CLCN3: variants seen among roughly 807,000 people sequenced by gnomAD.
CLCN3 encodes Cl-/H+ antiporter 3.
In CLCN3, 16 loss-of-function variants were observed where a neutral mutation model predicts 83.4. The observed-to-expected ratio is 0.19, with a 90% CI of 0.13 to 0.29. The LOEUF (loss-of-function observed/expected upper bound fraction) is 0.29, where lower values mean the gene tolerates loss of function less well. CLCN3 is among the 10% of genes least tolerant of loss of function. The pLI, the probability that CLCN3 is intolerant of heterozygous loss-of-function variation, is 1.00. For synonymous variants in CLCN3, 322 were observed against 346.2 expected (o/e 0.93, Z 0.78); for missense variants, 544 against 1,006.0 (o/e 0.54, Z 6.21).
chr4:169,669,646 C>T (rs1210172548), intron 2 of CLCN3, among the ~76,000 whole-genome samples: 1 of 152,028 alleles, frequency 6.6e-6, no homozygotes, highest in Non-Finnish European at 1.5e-5. Flanking sequence ...TATGATCTTA[C>T]CTGTATCTCA....
At chr4:169,715,804 T>C (rs1157711826) in intron 12 of CLCN3, among the ~76,000 whole-genome samples, 3 of 97,332 alleles carry the variant, frequency 3.1e-5, no homozygotes, top group African/African-American at 1.1e-4. Context: ...TAGCAGGATG[T>C]TAATAGGAGT....
At position 169,704,033 on chromosome 4, in the gene CLCN3, T is replaced by C; in HGVS notation, c.1599T>C (p.Ile533=). The part of the protein sequence containing the change: ...PSGLFIPSMA[I]GAIAGRIVGI... ...GCTTGTTCATCCCCAGCATGGCCAT[T>C]GGAGCGATCGCAGGAAGGATTGTGG... Residue 533 remains isoleucine, a synonymous_variant, in exon 10 of 13, where the codon ATT becomes ATC. Transcript: ENST00000513761. 6.2e-7 allele frequency: 1 copy of C among 1,614,060 alleles called. No individual in the cohort carries two copies. Among genetic ancestry groups the C allele is most frequent in the South Asian group, 1.1e-5 (1 of 91,080 alleles).
At chr4:169,658,260 A>G (rs1310637507) in intron 2 of CLCN3, among the ~76,000 whole-genome samples, 2 of 151,502 alleles carry the variant, frequency 1.3e-5, no homozygotes, top group Non-Finnish European at 2.9e-5. Flanking sequence ...TATACACACA[A>G]TTGTTTATCT....
At chr4:169,629,319 C>T (rs1773310010) in intron 1 of CLCN3, among the ~76,000 whole-genome samples, 1 of 151,662 alleles carries the variant, frequency 6.6e-6, no homozygotes, top group African/African-American at 2.4e-5. Flanking sequence ...TGTGGAACCA[C>T]AATTATCTCA....
intron 2 of CLCN3, among the ~76,000 whole-genome samples, chr4:169,677,957 T>A (rs767908581): frequency 1.3e-5 from 2 of 152,226 alleles, no homozygotes; most frequent in African/African-American, 4.8e-5. Flanking sequence ...GATACTCATA[T>A]AAGATATATG....
intron 2 of CLCN3, among the ~76,000 whole-genome samples, chr4:169,672,581 G>A (rs1050842972): frequency 1.3e-5 from 2 of 152,058 alleles, no homozygotes; most frequent in African/African-American, 4.8e-5. Flanking sequence ...ATATACTGTT[G>A]CTTTTAAAAA....
chr4:169,697,088 C>A, intron 8 of CLCN3, 101 bp from the exon 9 acceptor site: 1 of 837,762 alleles, frequency 1.2e-6, no homozygotes, highest in Non-Finnish European at 1.8e-6. Context: ...CTAACTACAG[C>A]AAAATTTAGA....
intron 1 of CLCN3, among the ~76,000 whole-genome samples, 188 bp downstream of exon 1, chr4:169,621,251 T>C (rs1446280731): frequency 6.6e-6 from 1 of 152,216 alleles, no homozygotes; most frequent in Non-Finnish European, 1.5e-5. Context: ...CTTTAAAATT[T>C]CACACATCTG....
At chr4:169,665,385 C>T (rs1731206788) in intron 2 of CLCN3, among the ~76,000 whole-genome samples, 1 of 152,148 alleles carries the variant, frequency 6.6e-6, no homozygotes, top group Non-Finnish European at 1.5e-5. Context: ...AATGGCTGAA[C>T]AAATTTTAAT....
intron 6 of CLCN3, among the ~76,000 whole-genome samples, chr4:169,691,393 A>G (rs1732367898): frequency 6.6e-6 from 1 of 152,110 alleles, no homozygotes; most frequent in African/African-American, 2.4e-5. Flanking sequence ...GAATTTGGCC[A>G]TTTTATGCTT....
intron 10 of CLCN3, among the ~76,000 whole-genome samples, chr4:169,706,101 G>A (rs1333463422): frequency 2.0e-5 from 3 of 152,206 alleles, no homozygotes; most frequent in Admixed American, 2.0e-4. Flanking sequence ...TGTGAACGCA[G>A]CTCACTGCAG....
intron 2 of CLCN3, among the ~76,000 whole-genome samples, chr4:169,644,297 C>T (rs1371272390): frequency 2.0e-5 from 3 of 149,678 alleles, no homozygotes; most frequent in Non-Finnish European, 4.4e-5. Flanking sequence ...ATGGAGTCTC[C>T]CTCTGTTGCC....
chr4:169,670,401 A>C (rs1335939067), intron 2 of CLCN3, among the ~76,000 whole-genome samples: 1 of 152,012 alleles, frequency 6.6e-6, no homozygotes, highest in Non-Finnish European at 1.5e-5. Context: ...GTTTTTGTCA[A>C]GTTTGCTGAA....
At chr4:169,708,946 A>G (rs776633808) in intron 11 of CLCN3, among the ~76,000 whole-genome samples, 1 of 148,704 alleles carries the variant, frequency 6.7e-6, no homozygotes, top group Non-Finnish European at 1.5e-5. Context: ...ATATATATAT[A>G]TAAATTTAAA....
intron 11 of CLCN3, among the ~76,000 whole-genome samples, chr4:169,710,646 C>G (rs541419604): frequency 6.6e-6 from 1 of 152,256 alleles, no homozygotes; most frequent in East Asian, 1.9e-4. Flanking sequence ...ATAAGAGAAA[C>G]ATTCCATTAA....
At chr4:169,650,049 G>T (rs1730689669) in intron 2 of CLCN3, among the ~76,000 whole-genome samples, 1 of 151,922 alleles carries the variant, frequency 6.6e-6, no homozygotes, top group African/African-American at 2.4e-5. Flanking sequence ...CATGCCACTG[G>T]ACTCCATCCA....
At position 169,720,167 on chromosome 4, in the gene CLCN3, T is replaced by C. The variant is rs1032984874; in HGVS notation, c.*170T>C. The stretch of plus-strand genomic sequence containing the variant: ...TGGTTTGCAAATAATGCTGGTGGAA[T>C]GGAGGAGTTGTTTGGGGAGGGAAAG... On this transcript the variant is annotated 3_prime_UTR_variant, in exon 13 of 13. Coordinates refer to ENST00000513761, the MANE Select transcript of CLCN3 (RefSeq NM_001829.4). 3 of 939,936 alleles carry C rather than the reference T, an allele frequency of 3.2e-6. No homozygotes were observed. The African/African-American group carries it at 5.0e-5, about 16-fold the overall frequency. 58.2% of individuals were successfully genotyped at this position (939,936 alleles called of 1,614,324 possible).
At chr4:169,660,384 C>T (rs951826949) in intron 2 of CLCN3, 19 of 1,404,954 alleles carry the variant, frequency 1.4e-5, no homozygotes, top group South Asian at 4.9e-5. Flanking sequence ...ATGCTTCTTC[C>T]GACCCTTATT....
chr4:169,631,243 T>G (rs567980064), intron 1 of CLCN3, among the ~76,000 whole-genome samples: 22 of 152,282 alleles, frequency 1.4e-4, no homozygotes, highest in African/African-American at 5.1e-4. Flanking sequence ...GACAGTTGTA[T>G]ATCTTAATTT....
Sources: allele counts gnomAD v4.1 joint callset (sites outside exome capture counted in the v4.1 genomes callset), GRCh38; gene constraint gnomAD v4.1.1; transcripts MANE v1.5; gene names NCBI Gene and HGNC (gene_info 2026-07-23, HGNC 2026-07-21).